The following PEX5L variants were observed in gnomAD, a reference collection of about 807,000 sequenced individuals.
PEX5L encodes peroxisomal biogenesis factor 5 like, also known as PEX5-related protein.
Under a neutral mutation model 84.0 loss-of-function variants are expected in PEX5L, and 30 were observed. That is an observed-to-expected ratio of 0.36 (90% CI 0.27 to 0.48). PEX5L has a LOEUF of 0.48. PEX5L is among the 20% of genes least tolerant of loss of function. The pLI, the probability that PEX5L is intolerant of heterozygous loss-of-function variation, is 0.99. For synonymous variants in PEX5L, 270 were observed against 283.1 expected (o/e 0.95, Z 0.46); for missense variants, 533 against 754.6 (o/e 0.71, Z 3.44).
chr3:179,975,157 C>G (rs557591942), intron 1 of PEX5L, among the ~76,000 whole-genome samples: 1 of 152,034 alleles, frequency 6.6e-6, no homozygotes, highest in South Asian at 2.1e-4. Flanking sequence ...CTATTGCACT[C>G]CAGCCTGGGT....
chr3:180,008,626 G>A (rs1316427850), intron 1 of PEX5L, among the ~76,000 whole-genome samples: 1 of 152,188 alleles, frequency 6.6e-6, no homozygotes, highest in Non-Finnish European at 1.5e-5. Flanking sequence ...CCACATGGCT[G>A]GGGAGGCCTC....
At chr3:179,804,147 C>T (rs1442495) in intron 14 of PEX5L, 27,000 of 151,874 alleles carry the variant, frequency 0.18, 2,436 homozygotes, top group South Asian at 0.21. Context: ...ACAGAATAGT[C>T]GAACTTACCT....
chr3:179,965,564 C>T (rs377113519), intron 2 of PEX5L, among the ~76,000 whole-genome samples: 166 of 152,308 alleles, frequency 1.1e-3, no homozygotes, highest in African/African-American at 3.5e-3. Flanking sequence ...CTCTATGACA[C>T]GTGACTCTCT....
chr3:179,939,424 G>A (rs1775457242), intron 2 of PEX5L, among the ~76,000 whole-genome samples: 1 of 152,124 alleles, frequency 6.6e-6, no homozygotes, highest in Non-Finnish European at 1.5e-5. Context: ...TTGTATTGAT[G>A]GATATTCTTG....
intron 7 of PEX5L, among the ~76,000 whole-genome samples, chr3:179,869,474 T>C (rs775871306): frequency 2.0e-5 from 3 of 152,196 alleles, no homozygotes; most frequent in Admixed American, 6.5e-5. Flanking sequence ...GATTATATAA[T>C]TTATTATCAC....
At chr3:179,894,328 CT>C (rs1289957959) in intron 3 of PEX5L, among the ~76,000 whole-genome samples, 1 of 152,082 alleles carries the variant, frequency 6.6e-6, no homozygotes, top group African/African-American at 2.4e-5. Flanking sequence ...GATCGTAACT[CT>C]GATGCCTGAC....
chr3:179,934,820 T>A (rs879042879), intron 2 of PEX5L, among the ~76,000 whole-genome samples: 3 of 152,214 alleles, frequency 2.0e-5, no homozygotes, highest in Admixed American at 2.0e-4. Context: ...TTTCCTTATG[T>A]GGTAGCATTT....
chr3:179,971,449 G>A (rs1424996931), intron 2 of PEX5L, 145 bp downstream of exon 2: 5 of 1,187,936 alleles, frequency 4.2e-6, no homozygotes, highest in South Asian at 3.5e-5. Flanking sequence ...CATATGGAGC[G>A]GCTTAGCTGC....
chr3:180,026,556 CTCTT>C (rs771867689), intron 1 of PEX5L, among the ~76,000 whole-genome samples: 18 of 152,140 alleles, frequency 1.2e-4, no homozygotes, highest in Non-Finnish European at 2.4e-4. Flanking sequence ...CTTTATATGG[CTCTT>C]TCTAATATCT....
chr3:179,917,272 T>C (rs1767523212), intron 2 of PEX5L, among the ~76,000 whole-genome samples: 1 of 152,084 alleles, frequency 6.6e-6, no homozygotes, highest in Admixed American at 6.5e-5. Flanking sequence ...TCATCTATGA[T>C]AAAAATGTCT....
chr3:180,029,424 T>G (rs1195106496), intron 1 of PEX5L, among the ~76,000 whole-genome samples: 1 of 152,196 alleles, frequency 6.6e-6, no homozygotes, highest in African/African-American at 2.4e-5. Context: ...TATTTATTTG[T>G]AAATAAAACA....
chr3:179,933,464 T>A (rs953143520), intron 2 of PEX5L, among the ~76,000 whole-genome samples: 2 of 151,964 alleles, frequency 1.3e-5, no homozygotes, highest in South Asian at 4.1e-4. Context: ...TTGAGAAAAC[T>A]AATTTCAATA....
intron 1 of PEX5L, among the ~76,000 whole-genome samples, chr3:180,010,389 G>A (rs1176428538): frequency 6.6e-6 from 1 of 151,780 alleles, no homozygotes; most frequent in Non-Finnish European, 1.5e-5. Context: ...ATAACTGGGA[G>A]GGTGCTAGTG....
chr3:179,910,814 G>A (rs1010626117), intron 2 of PEX5L, among the ~76,000 whole-genome samples: 1 of 152,130 alleles, frequency 6.6e-6, no homozygotes. Context: ...ACCTTTCTAT[G>A]GGTATGCAGA....
chr3:179,941,256 A>T (rs1375466941), intron 2 of PEX5L, among the ~76,000 whole-genome samples: 1 of 152,222 alleles, frequency 6.6e-6, no homozygotes, highest in African/African-American at 2.4e-5. Context: ...GTTCAGCGGC[A>T]TTTATACGTT....
chr3:179,819,826 A>G (rs1369749229), intron 9 of PEX5L, 34 bp downstream of exon 9: 4 of 1,588,060 alleles, frequency 2.5e-6, no homozygotes, highest in Non-Finnish European at 3.5e-6. Context: ...GGTGGAGAAA[A>G]GTAGTCAGCA....
At chr3:179,845,976 C>T (rs1739171367) in intron 8 of PEX5L, among the ~76,000 whole-genome samples, 1 of 152,142 alleles carries the variant, frequency 6.6e-6, no homozygotes. Flanking sequence ...TTGAGACCAG[C>T]CTGGCCAACA....
intron 2 of PEX5L, among the ~76,000 whole-genome samples, chr3:179,918,467 G>A (rs1768047912): frequency 6.6e-6 from 1 of 152,140 alleles, no homozygotes; most frequent in South Asian, 2.1e-4. Flanking sequence ...TAAAATTCTT[G>A]AAGACATTGT....
chr3:179,977,998 G>GAGA (rs1785974235), intron 1 of PEX5L, among the ~76,000 whole-genome samples: 1 of 152,196 alleles, frequency 6.6e-6, no homozygotes, highest in Non-Finnish European at 1.5e-5. Flanking sequence ...AATGTACGTT[G>GAGA]TTGGGTGAGA....
Sources: allele counts gnomAD v4.1 joint callset (sites outside exome capture counted in the v4.1 genomes callset), GRCh38; gene constraint gnomAD v4.1.1; transcripts MANE v1.5; gene names NCBI Gene and HGNC (gene_info 2026-07-23, HGNC 2026-07-21).